The following WDFY4 variants were observed in gnomAD, a reference collection of about 807,000 sequenced individuals.
WDFY4 encodes the protein WD repeat- and FYVE domain-containing protein 4.
A neutral mutation model predicts 351.9 loss-of-function variants in WDFY4; 169 were observed. That is an observed-to-expected ratio of 0.48 (90% CI 0.42 to 0.55). WDFY4 has a LOEUF of 0.55. WDFY4 is among the 20% of genes least tolerant of loss of function. The pLI is 0.00. For synonymous variants in WDFY4, 1,622 were observed against 1,574.6 expected (o/e 1.03, Z -0.71); for missense variants, 3,803 against 3,935.6 (o/e 0.97, Z 0.90).
At chr10:48,725,211 T>A (rs1438331861) in intron 5 of WDFY4, among the ~76,000 whole-genome samples, 1 of 152,198 alleles carries the variant, frequency 6.6e-6, no homozygotes, top group Non-Finnish European at 1.5e-5. Flanking sequence ...GGGGAAAATG[T>A]CTTCCCATGG....
intron 43 of WDFY4, among the ~76,000 whole-genome samples, chr10:48,889,886 G>T (rs1430445831): frequency 6.6e-6 from 1 of 152,204 alleles, no homozygotes; most frequent in African/African-American, 2.4e-5. Context: ...AGCCAGAGGG[G>T]CTAAGCCTTC....
chr10:48,779,812 A>T, intron 18 of WDFY4, 129 bp from the exon 19 acceptor site: 1 of 917,842 alleles, frequency 1.1e-6, no homozygotes, highest in Non-Finnish European at 1.6e-6. Flanking sequence ...GTCATTTTTC[A>T]TGAGAGGAGG....
At chr10:48,919,747 C>T (rs1838881868) in intron 47 of WDFY4, among the ~76,000 whole-genome samples, 2 of 152,186 alleles carry the variant, frequency 1.3e-5, no homozygotes, top group Admixed American at 1.3e-4. Context: ...TCCTCATGAT[C>T]TAAATGCCTC....
intron 12 of WDFY4, chr10:48,745,811 C>G (rs1199924490): frequency 2.7e-6 from 1 of 364,784 alleles, no homozygotes; most frequent in African/African-American, 2.2e-5. Flanking sequence ...TGCTGTAGGG[C>G]GGTGGGATTC....
intron 43 of WDFY4, among the ~76,000 whole-genome samples, chr10:48,883,601 C>G (rs764551963): frequency 3.3e-5 from 5 of 152,218 alleles, no homozygotes; most frequent in Non-Finnish European, 7.3e-5. Context: ...CATGCTCCTA[C>G]AACAGAGTCC....
intron 1 of WDFY4, among the ~76,000 whole-genome samples, chr10:48,697,689 T>G (rs2063368381): frequency 6.6e-6 from 1 of 152,156 alleles, no homozygotes; most frequent in Non-Finnish European, 1.5e-5. Context: ...TCCTGGCTGT[T>G]CTTTCTTCTT....
chr10:48,935,357 AG>A (rs1453764171), intron 47 of WDFY4: 1 of 152,262 alleles, frequency 6.6e-6, no homozygotes, highest in African/African-American at 2.4e-5. Context: ...TGCCACGAGG[AG>A]GGAACCCCAG....
At chr10:48,720,274 C>A in intron 3 of WDFY4, 149 bp downstream of exon 3, 1 of 786,254 alleles carries the variant, frequency 1.3e-6, no homozygotes, top group African/African-American at 1.7e-5. Flanking sequence ...CCACTGAGTG[C>A]CTTAGGGACC....
intron 47 of WDFY4, among the ~76,000 whole-genome samples, chr10:48,916,794 T>G (rs1377693431): frequency 6.6e-6 from 1 of 151,262 alleles, no homozygotes; most frequent in Middle Eastern, 3.2e-3. Flanking sequence ...AAGAGTATAC[T>G]TACACAAACC....
intron 11 of WDFY4, among the ~76,000 whole-genome samples, chr10:48,739,786 C>T (rs1016744219): frequency 6.6e-6 from 1 of 152,160 alleles, no homozygotes; most frequent in Non-Finnish European, 1.5e-5. Flanking sequence ...AAATAACCAT[C>T]TAGGAATTAT....
chr10:48,974,527 A>AAAAAAAAAAAAAACAAC lies in WDFY4; in HGVS notation c.8929-333_8929-332insAAAAAAAAAAACAACAA. On this transcript the variant is annotated intron_variant, in intron 57 of 61. Transcript: ENST00000325239. ...CAAAAAAAAAAAAAAAAAAAAAAAA[A>AAAAAAAAAAAAAACAAC]AACAACTCATGACATGAACTGCTCC... Among the ~76,000 whole-genome samples, 27 of 23,194 alleles carry AAAAAAAAAAAAAACAAC rather than the reference A, an allele frequency of 1.2e-3. 3 individuals are homozygous for AAAAAAAAAAAAAACAAC. Among genetic ancestry groups the AAAAAAAAAAAAAACAAC allele is most frequent in the African/African-American group, 1.8e-3 (25 of 13,806 alleles). The allele number at this position is 23,194 out of a possible 152,430, so 15.2% of individuals were successfully genotyped here.
intron 46 of WDFY4, 142 bp from the exon 47 acceptor site, chr10:48,901,659 T>A: frequency 1.2e-6 from 1 of 802,850 alleles, no homozygotes; most frequent in South Asian, 1.6e-5. Flanking sequence ...CACCCAGGCC[T>A]GGTGTTCACG....
rs149606075 is a variant in WDFY4 at position 48,890,397 on chromosome 10, G to A, written c.7168-182G>A. Among the ~76,000 whole-genome samples, 290 of 152,232 alleles carry A rather than the reference G, an allele frequency of 1.9e-3. 1 individual carries two copies. The highest frequency in any genetic ancestry group is 1.9e-3 in the South Asian group (9 of 4,808). On this transcript the variant is annotated intron_variant, in intron 43 of 61. Coordinates refer to ENST00000325239, the MANE Select transcript of WDFY4 (RefSeq NM_001394531.1). Reference sequence around the variant, plus strand: ...CAGACACCAGCCCAGGTGGGGTGTGGTAGTGCCACATAGGCTGTGAAGAGC... The same window carrying A: ...CAGACACCAGCCCAGGTGGGGTGTGATAGTGCCACATAGGCTGTGAAGAGC...
intron 51 of WDFY4, among the ~76,000 whole-genome samples, chr10:48,947,676 G>A (rs1159537658): frequency 3.9e-5 from 6 of 152,222 alleles, no homozygotes; most frequent in Non-Finnish European, 5.9e-5. Context: ...CTGTGAGGGT[G>A]CTGAGAAGTT....
chr10:48,793,480 G>T (rs1300072495), intron 23 of WDFY4, among the ~76,000 whole-genome samples: 1 of 152,182 alleles, frequency 6.6e-6, no homozygotes, highest in Non-Finnish European at 1.5e-5. Context: ...GTATTATTTT[G>T]TTTTTGCTTT....
intron 39 of WDFY4, among the ~76,000 whole-genome samples, chr10:48,860,516 A>C (rs776802417): frequency 5.3e-4 from 80 of 152,368 alleles, no homozygotes; most frequent in Non-Finnish European, 1.0e-3. Flanking sequence ...GGTCTACCCC[A>C]TGGCAGCATC....
At chr10:48,745,742 C>A (rs1329588222) in intron 12 of WDFY4, 5 of 534,912 alleles carry the variant, frequency 9.3e-6, no homozygotes, top group Non-Finnish European at 1.7e-5. Context: ...TAGGCAAACT[C>A]TCTTGTGGGC....
intron 12 of WDFY4, among the ~76,000 whole-genome samples, chr10:48,756,393 T>C (rs1024866205): frequency 1.1e-5 from 1 of 94,328 alleles, no homozygotes; most frequent in African/African-American, 2.9e-5. Flanking sequence ...TAATTATTAG[T>C]TCTAGAAGTT....
At chr10:48,976,344 C>T (rs749813018) in intron 58 of WDFY4, among the ~76,000 whole-genome samples, 5 of 152,206 alleles carry the variant, frequency 3.3e-5, no homozygotes, top group Non-Finnish European at 7.3e-5. Context: ...AGGGACATTG[C>T]ACAAGCTTAT....
Sources: allele counts gnomAD v4.1 joint callset (sites outside exome capture counted in the v4.1 genomes callset), GRCh38; gene constraint gnomAD v4.1.1; transcripts MANE v1.5; gene names NCBI Gene and HGNC (gene_info 2026-07-23, HGNC 2026-07-21).